The following MEP1A variants were observed in gnomAD, a reference collection of about 807,000 sequenced individuals.
The protein encoded by MEP1A is N-benzoyl-L-tyrosyl-P-amino-benzoic acid hydrolase subunit alpha.
Under a neutral mutation model 84.5 loss-of-function variants are expected in MEP1A, and 68 were observed. The ratio of observed to expected loss-of-function variants is 0.80; its 90% confidence interval spans 0.66 to 0.98. MEP1A has a LOEUF of 0.98. Ranked by LOEUF, MEP1A falls within the 50% of genes least tolerant of loss-of-function variation. The probability of loss-of-function intolerance (pLI) is 0.00; values close to 1 mark genes in which losing one functional copy is unlikely to be tolerated. For synonymous variants in MEP1A, 337 were observed against 336.8 expected, an observed-to-expected ratio of 1.00 and a Z score of -0.01; for missense variants, 887 against 919.9, an observed-to-expected ratio of 0.96 and a Z score of 0.46.
intron 5 of MEP1A, among the ~76,000 whole-genome samples, chr6:46,800,971 A>G (rs1312173166): frequency 6.6e-6 from 1 of 152,162 alleles, no homozygotes; most frequent in African/African-American, 2.4e-5. Context: ...GTTCTTCCAT[A>G]TTGTTGTAGA....
chr6:46,812,923 A>T (rs1268560054), intron 6 of MEP1A, among the ~76,000 whole-genome samples: 1 of 152,086 alleles, frequency 6.6e-6, no homozygotes, highest in Non-Finnish European at 1.5e-5. Flanking sequence ...TGTGCTGGTA[A>T]CTATAATGTA....
At chr6:46,797,796 T>TTCTC (rs1185177320) in intron 3 of MEP1A, among the ~76,000 whole-genome samples, 2 of 13,200 alleles carry the variant, frequency 1.5e-4, no homozygotes, top group South Asian at 3.5e-3. Flanking sequence ...TTCTTTCTCT[T>TTCTC]TCTTTCTTTC....
intron 10 of MEP1A, 120 bp downstream of exon 10, chr6:46,829,691 C>G: frequency 1.4e-6 from 1 of 722,044 alleles, no homozygotes; most frequent in Non-Finnish European, 2.4e-6. Context: ...TTTTCCTCCA[C>G]CCACTTTCTT....
At chr6:46,827,762 T>C (rs1767980465) in intron 9 of MEP1A, among the ~76,000 whole-genome samples, 1 of 152,164 alleles carries the variant, frequency 6.6e-6, no homozygotes, top group African/African-American at 2.4e-5. Flanking sequence ...CTCTCTAAAT[T>C]TCTGTTGTAG....
Position 46,793,724 on chromosome 6 carries a change from C to T in MEP1A, c.145+8C>T. 6.3e-7 allele frequency: 1 copy of T among 1,596,182 alleles called. No individual in the cohort carries two copies. Reference sequence around the variant, plus strand: ...TTTCAGAAATCAATTTAGGTGAGTTCAATTTTTGTGTTATTAAAGTCTTGA... The same window carrying T: ...TTTCAGAAATCAATTTAGGTGAGTTTAATTTTTGTGTTATTAAAGTCTTGA... On this transcript the variant is annotated splice_region_variant and intron_variant, in intron 3 of 13. Transcript: ENST00000230588.
intron 7 of MEP1A, 62 bp from the exon 8 acceptor site, chr6:46,825,210 C>A: frequency 1.9e-6 from 2 of 1,067,960 alleles, no homozygotes; most frequent in Non-Finnish European, 2.7e-6. Flanking sequence ...GGTATCTAGT[C>A]AAAGAGTAGC....
chr6:46,831,554 T>C (rs1768076431), intron 10 of MEP1A, among the ~76,000 whole-genome samples: 1 of 152,198 alleles, frequency 6.6e-6, no homozygotes. Flanking sequence ...AACGAAACCA[T>C]CTTAATAATT....
intron 3 of MEP1A, among the ~76,000 whole-genome samples, chr6:46,794,482 T>C (rs1767006472): frequency 6.6e-6 from 1 of 152,238 alleles, no homozygotes; most frequent in South Asian, 2.1e-4. Context: ...AGTGACTTGC[T>C]CAAGATCATA....
intron 13 of MEP1A, among the ~76,000 whole-genome samples, chr6:46,837,889 C>T (rs1235620249): frequency 6.7e-6 from 1 of 150,094 alleles, no homozygotes; most frequent in Admixed American, 6.6e-5. Context: ...AAAATGCTGA[C>T]TTCTTATTTT....
In MEP1A at chr6:46,839,663, T is replaced by G. The variant is rs1254825517; in HGVS notation, c.*527T>G. ...CAGTAGTGTCATCACTCTTTTAAGA[T>G]CTTGTTAAAGATTTCAAATAAAGGT... On this transcript the variant is annotated 3_prime_UTR_variant, in exon 14 of 14. Coordinates refer to ENST00000230588, the MANE Select transcript of MEP1A (RefSeq NM_005588.3). The G allele has an allele frequency of 1.3e-5, 2 of 152,236 alleles. No homozygotes were observed. Among genetic ancestry groups the G allele is most frequent in the South Asian group, 2.1e-4 (1 of 4,834 alleles). The allele number at this position is 152,236 out of a possible 1,614,324, so 9.4% of individuals were successfully genotyped here.
chr6:46,824,575 TA>T lies in MEP1A; in HGVS notation c.557-694del, dbSNP rs1482249568. ...AAATTATATATTAAATAGATGTATTTAAATATATAAATTATATATATTAAAT... is the reference window on the plus strand; with the variant it reads ...AAATTATATATTAAATAGATGTATTTAATATATAAATTATATATATTAAAT... On this transcript the variant is annotated intron_variant, in intron 7 of 13. Coordinates refer to ENST00000230588, the MANE Select transcript of MEP1A (RefSeq NM_005588.3). 1.4e-4 allele frequency among the ~76,000 whole-genome samples: 19 copies of T among 139,570 alleles called. No individual in the cohort carries two copies. In the East Asian group the frequency reaches 2.1e-3, roughly 15 times the overall value. The allele number at this position is 139,570 out of a possible 152,430, so 91.6% of individuals were successfully genotyped here.
chr6:46,794,691 T>G (rs1487735806), intron 3 of MEP1A, among the ~76,000 whole-genome samples: 1 of 152,216 alleles, frequency 6.6e-6, no homozygotes, highest in Non-Finnish European at 1.5e-5. Flanking sequence ...AGAAATAGTT[T>G]AGGAAGGTAA....
chr6:46,815,693 A>G (rs1767618861), intron 6 of MEP1A, among the ~76,000 whole-genome samples: 1 of 152,186 alleles, frequency 6.6e-6, no homozygotes, highest in African/African-American at 2.4e-5. Flanking sequence ...TGCTCTGTCC[A>G]GGCAGCTGCA....
chr6:46,843,223 T>G (rs115268017), downstream of MEP1A, among the ~76,000 whole-genome samples: 1,524 of 152,306 alleles, frequency 0.01, 28 homozygotes, highest in African/African-American at 0.035. Flanking sequence ...CATAGCACAC[T>G]TCTTCAGTAG....
At chr6:46,838,706 G>T (rs1768272230) in intron 13 of MEP1A, among the ~76,000 whole-genome samples, 1 of 152,210 alleles carries the variant, frequency 6.6e-6, no homozygotes, top group Non-Finnish European at 1.5e-5. Context: ...GATTTCAAGT[G>T]TGAAACACTT....
chr6:46,842,922 T>A (rs1768359098), downstream of MEP1A, among the ~76,000 whole-genome samples: 2 of 152,206 alleles, frequency 1.3e-5, no homozygotes, highest in South Asian at 4.1e-4. Flanking sequence ...TGGGGTCTAG[T>A]TCCCCTGATA....
chr6:46,844,667 T>C (rs559454516), downstream of MEP1A, among the ~76,000 whole-genome samples: 1 of 152,334 alleles, frequency 6.6e-6, no homozygotes, highest in South Asian at 2.1e-4. Flanking sequence ...GATGTTCAGA[T>C]ACCAGCCCCC....
chr6:46,817,689 T>A (rs868503725), intron 6 of MEP1A, among the ~76,000 whole-genome samples: 2 of 152,216 alleles, frequency 1.3e-5, no homozygotes, highest in African/African-American at 4.8e-5. Flanking sequence ...CTTTCCAAAA[T>A]TCTCACTTTC....
At chr6:46,828,652 A>G (rs1174646149) in intron 9 of MEP1A, among the ~76,000 whole-genome samples, 1 of 152,178 alleles carries the variant, frequency 6.6e-6, no homozygotes, top group African/African-American at 2.4e-5. Context: ...CAAACGGTAC[A>G]TTTGTTTGGC....
Sources: allele counts gnomAD v4.1 joint callset (sites outside exome capture counted in the v4.1 genomes callset), GRCh38; gene constraint gnomAD v4.1.1; transcripts MANE v1.5; gene names NCBI Gene and HGNC (gene_info 2026-07-23, HGNC 2026-07-21).